CSMD3: variants seen among roughly 807,000 people sequenced by gnomAD.
CSMD3 encodes the protein CUB and Sushi multiple domains 3, also known as CUB and sushi domain-containing protein 3.
In CSMD3, 177 loss-of-function variants were observed where a neutral mutation model predicts 435.2. The ratio of observed to expected loss-of-function variants is 0.41; its 90% confidence interval spans 0.36 to 0.46. CSMD3 has a LOEUF of 0.46. Among genes scored for constraint, CSMD3 ranks in the 20% least tolerant of loss-of-function variants. The pLI is 0.34. For synonymous variants in CSMD3, 1,656 were observed against 1,520.5 expected (o/e 1.09, Z -2.07); for missense variants, 4,265 against 4,504.6 (o/e 0.95, Z 1.52).
At chr8:113,397,821 A>AAAATAAATAAATAAAT (rs10615805) in intron 1 of CSMD3, among the ~76,000 whole-genome samples, 3 of 143,088 alleles carry the variant, frequency 2.1e-5, no homozygotes, top group African/African-American at 5.2e-5. Flanking sequence ...GTCCGTCTCA[A>AAAATAAATAAATAAAT]AAATAAATAA....
chr8:113,016,616 G>A (rs932137163), intron 6 of CSMD3, among the ~76,000 whole-genome samples: 1 of 151,808 alleles, frequency 6.6e-6, no homozygotes, highest in African/African-American at 2.4e-5. Flanking sequence ...ATCAATAATA[G>A]TTACTGAGTA....
chr8:112,971,159 ATTC>A (rs1336117962), intron 7 of CSMD3, among the ~76,000 whole-genome samples: 2 of 152,176 alleles, frequency 1.3e-5, no homozygotes, highest in Non-Finnish European at 2.9e-5. Flanking sequence ...TAAATTTGTG[ATTC>A]TTCTTTTTTA....
intron 2 of CSMD3, among the ~76,000 whole-genome samples, chr8:113,306,186 C>T (rs67927045): frequency 0.1 from 15,900 of 152,096 alleles, 965 homozygotes; most frequent in Middle Eastern, 0.17. Context: ...TCACATATGT[C>T]ATTTCAGCAC....
At chr8:112,464,120 C>A (rs1007379098) in intron 32 of CSMD3, among the ~76,000 whole-genome samples, 1 of 151,934 alleles carries the variant, frequency 6.6e-6, no homozygotes, top group Non-Finnish European at 1.5e-5. Flanking sequence ...CACCTGTAGT[C>A]CCAGCTACTC....
rs543498844 is a variant in CSMD3, at chr8:112,266,840, A to T, written c.9509-1250T>A. On this transcript the variant is annotated intron_variant, in intron 59 of 70. Transcript: ENST00000297405. ...GATTTAAGCTTAATTTGGGCAGCGA[A>T]TTGGCTAAAAAACTTTCTACCAGCT... Among the ~76,000 whole-genome samples, 5 of 152,318 alleles carry T rather than the reference A, an allele frequency of 3.3e-5. No homozygotes were observed. The South Asian group carries it at 8.3e-4, about 25-fold the overall frequency.
At position 112,291,435 on chromosome 8, in the gene CSMD3, A is replaced by G. The variant is rs1819752353; in HGVS notation, c.8974+75T>C. 4.0e-6 allele frequency: 4 copies of G among 1,012,176 alleles called. No homozygotes were observed. The East Asian group carries it at 9.8e-5, about 25-fold the overall frequency. The allele number at this position is 1,012,176 out of a possible 1,614,324, so 62.7% of individuals were successfully genotyped here. Reference sequence around the variant, plus strand: ...TCTCTGTGATATATATCTTTAGGTCATTTTATAAAGATGATAAACATTCCT... The same window carrying G: ...TCTCTGTGATATATATCTTTAGGTCGTTTTATAAAGATGATAAACATTCCT... On this transcript the variant is annotated intron_variant, in intron 56 of 70. Transcript: ENST00000297405.
chr8:113,233,411 C>T (rs1390497002), intron 3 of CSMD3, among the ~76,000 whole-genome samples: 1 of 150,712 alleles, frequency 6.6e-6, no homozygotes, highest in Non-Finnish European at 1.5e-5. Flanking sequence ...AAATTAAAAA[C>T]ATGATTGTTC....
At chr8:112,997,767 AGAGTAT>A (rs2085709212) in intron 6 of CSMD3, among the ~76,000 whole-genome samples, 1 of 151,386 alleles carries the variant, frequency 6.6e-6, no homozygotes, top group African/African-American at 2.4e-5. Flanking sequence ...TAAAGGAGTT[AGAGTAT>A]ATTTTTCAAA....
intron 67 of CSMD3, among the ~76,000 whole-genome samples, chr8:112,234,880 A>G (rs997783658): frequency 6.6e-6 from 1 of 152,218 alleles, no homozygotes; most frequent in Non-Finnish European, 1.5e-5. Context: ...CAACTCAGTG[A>G]AAAACAGTAT....
At chr8:113,318,696 G>A (rs1224430877) in intron 1 of CSMD3, among the ~76,000 whole-genome samples, 2 of 151,294 alleles carry the variant, frequency 1.3e-5, no homozygotes, top group African/African-American at 4.9e-5. Flanking sequence ...TTTTATTTTT[G>A]TGCCTGGCTT....
At chr8:112,947,729 G>A (rs12114303) in intron 9 of CSMD3, 61 bp downstream of exon 9, 1 of 773,324 alleles carries the variant, frequency 1.3e-6, no homozygotes, top group South Asian at 1.5e-5. Context: ...CTACTTTAAA[G>A]ATTTAAATTA....
chr8:112,405,246 T>TACATACACACAC (rs1831737773), intron 35 of CSMD3, among the ~76,000 whole-genome samples: 1 of 81,536 alleles, frequency 1.2e-5, no homozygotes, highest in Non-Finnish European at 2.3e-5. Flanking sequence ...TATATATATA[T>TACATACACACAC]ACATATATAT....
At chr8:112,711,324 C>G (rs2076605329) in intron 13 of CSMD3, among the ~76,000 whole-genome samples, 1 of 151,762 alleles carries the variant, frequency 6.6e-6, no homozygotes, top group African/African-American at 2.4e-5. Flanking sequence ...AAGACAGAGG[C>G]ACCATTAAAC....
intron 10 of CSMD3, among the ~76,000 whole-genome samples, chr8:112,918,809 T>C (rs896274394): frequency 5.3e-5 from 8 of 151,958 alleles, no homozygotes; most frequent in African/African-American, 1.9e-4. Flanking sequence ...TCACCATTTC[T>C]TGATTGCTCA....
At chr8:113,088,021 C>A (rs1360825174) in intron 5 of CSMD3, among the ~76,000 whole-genome samples, 2 of 148,546 alleles carry the variant, frequency 1.3e-5, no homozygotes, top group Non-Finnish European at 3.0e-5. Flanking sequence ...AAGAAAAAAA[C>A]AAACAACCCC....
intron 13 of CSMD3, among the ~76,000 whole-genome samples, chr8:112,770,072 A>T (rs554234742): frequency 6.6e-6 from 1 of 152,082 alleles, no homozygotes; most frequent in African/African-American, 2.4e-5. Flanking sequence ...TATTGCAAAT[A>T]TCTTGAAATA....
chr8:113,284,342 G>A (rs2093631554), intron 2 of CSMD3, among the ~76,000 whole-genome samples: 1 of 152,240 alleles, frequency 6.6e-6, no homozygotes, highest in Admixed American at 6.5e-5. Flanking sequence ...AGTTGAAATG[G>A]TAGGAGAATA....
At chr8:113,062,846 T>C (rs540343052) in intron 5 of CSMD3, among the ~76,000 whole-genome samples, 14 of 151,798 alleles carry the variant, frequency 9.2e-5, no homozygotes, top group Non-Finnish European at 1.5e-4. Flanking sequence ...GGAAATTTGT[T>C]TTGCAAAGCT....
chr8:112,778,059 T>C (rs566630993), intron 13 of CSMD3, among the ~76,000 whole-genome samples: 2 of 151,858 alleles, frequency 1.3e-5, no homozygotes, highest in African/African-American at 4.8e-5. Flanking sequence ...TCAATAATCT[T>C]TGTTTTTAGA....
Sources: gnomAD v4.1 joint callset for allele counts (sites outside exome capture counted in the v4.1 genomes callset) on GRCh38, gnomAD v4.1.1 for gene constraint, MANE v1.5 for transcripts, NCBI Gene and HGNC (gene_info 2026-07-23, HGNC 2026-07-21) for gene names.